The following DLG2 variants were observed in gnomAD, a reference collection of about 807,000 sequenced individuals.
The protein encoded by DLG2 is disks large homolog 2.
In DLG2, 45 loss-of-function variants were observed where a neutral mutation model predicts 132.5. That is an observed-to-expected ratio of 0.34 (90% CI 0.27 to 0.44). The LOEUF is 0.44. Among genes scored for constraint, DLG2 ranks in the 20% least tolerant of loss-of-function variants. The probability of loss-of-function intolerance (pLI) is 1.00; values close to 1 mark genes in which losing one functional copy is unlikely to be tolerated. For missense variants in DLG2, 1,045 were observed against 1,196.9 expected, an observed-to-expected ratio of 0.87 and a Z score of 1.87; for synonymous variants, 424 against 419.6, an observed-to-expected ratio of 1.01 and a Z score of -0.13.
chr11:85,339,059 A>T (rs1182934322), intron 3 of DLG2, among the ~76,000 whole-genome samples: 1 of 152,200 alleles, frequency 6.6e-6, no homozygotes, highest in Non-Finnish European at 1.5e-5. Context: ...ATAAGCAGAC[A>T]TCTGTGTATT....
intron 8 of DLG2, among the ~76,000 whole-genome samples, chr11:84,198,771 TAG>T (rs2096555572): frequency 6.6e-6 from 1 of 152,194 alleles, no homozygotes; most frequent in Non-Finnish European, 1.5e-5. Flanking sequence ...GCCTGTGATT[TAG>T]AATGTAAAGA....
intron 6 of DLG2, among the ~76,000 whole-genome samples, chr11:84,755,625 G>A (rs552947202): frequency 3.3e-5 from 5 of 152,242 alleles, no homozygotes; most frequent in South Asian, 2.1e-4. Context: ...GGGTTACACC[G>A]TGTTAGCCAG....
At chr11:84,092,385 A>G (rs1008911433) in intron 10 of DLG2, among the ~76,000 whole-genome samples, 1 of 152,180 alleles carries the variant, frequency 6.6e-6, no homozygotes, top group Non-Finnish European at 1.5e-5. Context: ...TAATCTTACT[A>G]TATCTTCTTG....
intron 11 of DLG2, among the ~76,000 whole-genome samples, chr11:84,051,876 T>G (rs2096391948): frequency 6.6e-6 from 1 of 151,800 alleles, no homozygotes. Flanking sequence ...AAAAGGTATA[T>G]GCCTGATTTA....
intron 6 of DLG2, among the ~76,000 whole-genome samples, chr11:84,991,376 G>A (rs2057084146): frequency 6.6e-6 from 1 of 151,922 alleles, no homozygotes; most frequent in Admixed American, 6.6e-5. Context: ...GAGCAGGGTG[G>A]CACTCGCCTC....
rs1265343995 is a variant in DLG2, at chr11:85,111,720, A to T, written c.298T>A (p.Cys100Ser). ...TCCACTGAACAATTCTGGGCTGGGC[A>T]TCTGCCTTGGTTTTGCTGCAAATAA... ...DETTTQNQGR[C>S]PAQNCSVEAP... The change falls in exon 6 of 28, where the codon TGC (cysteine) becomes AGC (serine). Residue 100 changes from cysteine to serine, a missense_variant. Cys to Ser is a moderately radical substitution (Grantham distance 112). Coordinates refer to ENST00000376104, the MANE Select transcript of DLG2 (RefSeq NM_001142699.3). The T allele has an allele frequency of 1.3e-6, 2 of 1,559,186 alleles. No individual in the cohort carries two copies. Among genetic ancestry groups the T allele is most frequent in the Non-Finnish European group, 1.7e-6 (2 of 1,151,004 alleles).
At chr11:83,832,343 T>C (rs1234306758) in intron 17 of DLG2, among the ~76,000 whole-genome samples, 1 of 152,228 alleles carries the variant, frequency 6.6e-6, no homozygotes, top group Non-Finnish European at 1.5e-5. Context: ...GATGGTTTCA[T>C]GTGTGCATAC....
At chr11:85,081,449 C>A (rs970503028) in intron 6 of DLG2, among the ~76,000 whole-genome samples, 1 of 152,148 alleles carries the variant, frequency 6.6e-6, no homozygotes, top group Non-Finnish European at 1.5e-5. Flanking sequence ...CTTGCAGTTT[C>A]TCAAGGCTGG....
chr11:85,484,697 A>T (rs1195434151), intron 3 of DLG2, among the ~76,000 whole-genome samples: 1 of 151,798 alleles, frequency 6.6e-6, no homozygotes, highest in African/African-American at 2.4e-5. Flanking sequence ...AAAAGTCAGG[A>T]AACAATAGGT....
At chr11:84,785,861 GT>G (rs1358064296) in intron 6 of DLG2, among the ~76,000 whole-genome samples, 6 of 151,916 alleles carry the variant, frequency 3.9e-5, no homozygotes, top group African/African-American at 1.5e-4. Flanking sequence ...CCATATCTTG[GT>G]GGATAGGTTA....
intron 12 of DLG2, among the ~76,000 whole-genome samples, chr11:83,972,521 T>C (rs1285338606): frequency 6.6e-6 from 1 of 152,108 alleles, no homozygotes; most frequent in Non-Finnish European, 1.5e-5. Flanking sequence ...CTACAGTGCC[T>C]CTTCCCACCT....
At chr11:85,567,913 T>C (rs944660184) in intron 3 of DLG2, among the ~76,000 whole-genome samples, 2 of 152,160 alleles carry the variant, frequency 1.3e-5, no homozygotes, top group East Asian at 1.9e-4. Context: ...TTTATAAATA[T>C]GGTGTATTAC....
At chr11:83,982,657 A>C (rs2092901114) in intron 11 of DLG2, among the ~76,000 whole-genome samples, 2 of 152,146 alleles carry the variant, frequency 1.3e-5, no homozygotes, top group South Asian at 2.1e-4. Context: ...TTTTAAAAAT[A>C]AACTTAATCT....
chr11:84,758,883 A>G (rs1416746285), intron 6 of DLG2, among the ~76,000 whole-genome samples: 1 of 152,012 alleles, frequency 6.6e-6, no homozygotes, highest in Non-Finnish European at 1.5e-5. Flanking sequence ...CTTTCTGTTT[A>G]TTTATTTATT....
chr11:84,895,553 A>T (rs1030102153), intron 6 of DLG2, among the ~76,000 whole-genome samples: 2 of 152,198 alleles, frequency 1.3e-5, no homozygotes, highest in African/African-American at 4.8e-5. Flanking sequence ...TACATCTATG[A>T]CATCATTTCA....
intron 3 of DLG2, among the ~76,000 whole-genome samples, chr11:85,391,748 T>C (rs534267540): frequency 6.6e-6 from 1 of 152,050 alleles, no homozygotes; most frequent in Admixed American, 6.6e-5. Flanking sequence ...CTCTTTATGA[T>C]TAAAATTCTC....
chr11:85,010,184 T>G (rs1208138291), intron 6 of DLG2, among the ~76,000 whole-genome samples: 1 of 152,062 alleles, frequency 6.6e-6, no homozygotes, highest in East Asian at 1.9e-4. Flanking sequence ...AAAGTGAAAT[T>G]TATACTCTGC....
chr11:83,593,209 G>A (rs1249848339), intron 19 of DLG2, among the ~76,000 whole-genome samples: 6 of 147,486 alleles, frequency 4.1e-5, no homozygotes, highest in Non-Finnish European at 3.0e-5. Flanking sequence ...GTTTATTGCG[G>A]CATTATTCAC....
chr11:84,049,656 A>G (rs187511473), intron 11 of DLG2, among the ~76,000 whole-genome samples: 1 of 151,900 alleles, frequency 6.6e-6, no homozygotes, highest in African/African-American at 2.4e-5. Flanking sequence ...GCCAGGATAG[A>G]CATCATTACA....
Sources: allele counts gnomAD v4.1 joint callset (sites outside exome capture counted in the v4.1 genomes callset), GRCh38; gene constraint gnomAD v4.1.1; transcripts MANE v1.5; gene names NCBI Gene and HGNC (gene_info 2026-07-23, HGNC 2026-07-21).